The following ERI3 variants were observed in gnomAD, a reference collection of about 807,000 sequenced individuals.
The protein encoded by ERI3 is ERI1 exoribonuclease family member 3, also known as ERI1 exoribonuclease 3.
ERI3 carries 18 observed loss-of-function variants against 44.4 expected under a neutral mutation model. The observed-to-expected ratio is 0.41, with a 90% CI of 0.28 to 0.60. The LOEUF (loss-of-function observed/expected upper bound fraction) is 0.60, where lower values mean the gene tolerates loss of function less well. ERI3 is among the 20% of genes least tolerant of loss of function. The probability of loss-of-function intolerance (pLI) is 0.36; values close to 1 mark genes in which losing one functional copy is unlikely to be tolerated. For synonymous variants in ERI3, 183 were observed against 164.8 expected (o/e 1.11, Z -0.84); for missense variants, 294 against 435.5 (o/e 0.68, Z 2.89).
chr1:44,282,691 G>A (rs908384253), intron 7 of ERI3, among the ~76,000 whole-genome samples: 11 of 152,180 alleles, frequency 7.2e-5, no homozygotes, highest in African/African-American at 2.4e-4. Flanking sequence ...GGGCCTTTAA[G>A]CACATTTGCA....
chr1:44,277,428 AC>A (rs1419832848), intron 7 of ERI3, among the ~76,000 whole-genome samples: 13 of 152,266 alleles, frequency 8.5e-5, no homozygotes, highest in African/African-American at 3.1e-4. Flanking sequence ...TACTTGCCCC[AC>A]CACAGCTCTT....
chr1:44,242,919 C>T (rs1027210870), intron 8 of ERI3, among the ~76,000 whole-genome samples: 25 of 152,208 alleles, frequency 1.6e-4, no homozygotes, highest in Admixed American at 1.2e-3. Context: ...GCCCAGTGAG[C>T]GTGGCGGCAG....
At chr1:44,274,901 A>G (rs1645152308) in intron 7 of ERI3, among the ~76,000 whole-genome samples, 1 of 152,182 alleles carries the variant, frequency 6.6e-6, no homozygotes, top group Non-Finnish European at 1.5e-5. Flanking sequence ...TCCCAAAGAC[A>G]GATGAAGGCC....
intron 7 of ERI3, among the ~76,000 whole-genome samples, chr1:44,281,810 T>A (rs1197475782): frequency 6.6e-6 from 1 of 151,488 alleles, no homozygotes; most frequent in Non-Finnish European, 1.5e-5. Context: ...GACATGCAAT[T>A]TGGAGTATAC....
At chr1:44,342,826 TATATATATATATATATATATATATATA>T (rs1646688709) in intron 2 of ERI3, among the ~76,000 whole-genome samples, 2 of 17,300 alleles carry the variant, frequency 1.2e-4, no homozygotes, top group African/African-American at 2.6e-4. Context: ...TATATATATA[TATATATATATATATATATATATATATA>T]TATATTTTTT....
At chr1:44,354,215 G>A (rs1212429556) in intron 1 of ERI3, 3 of 985,352 alleles carry the variant, frequency 3.0e-6, no homozygotes, top group Admixed American at 6.1e-5. Flanking sequence ...CCTTCCGCTG[G>A]GAGACTGATT....
intron 6 of ERI3, among the ~76,000 whole-genome samples, chr1:44,294,459 C>T (rs926655071): frequency 1.3e-5 from 2 of 152,234 alleles, no homozygotes; most frequent in African/African-American, 4.8e-5. Flanking sequence ...CAAGCACCTC[C>T]CCAGTGCCAC....
At chr1:44,226,778 A>ACACACAC (rs1644050828) in intron 8 of ERI3, among the ~76,000 whole-genome samples, 6 of 143,374 alleles carry the variant, frequency 4.2e-5, no homozygotes, top group East Asian at 2.0e-4. Context: ...AGCATTATTA[A>ACACACAC]ACACACACAC....
intron 2 of ERI3, among the ~76,000 whole-genome samples, chr1:44,344,689 G>C (rs1646749558): frequency 1.3e-5 from 2 of 152,160 alleles, no homozygotes; most frequent in African/African-American, 4.8e-5. Flanking sequence ...ATCTAAATGA[G>C]GGCCAGAACT....
intron 2 of ERI3, 36 bp from the exon 3 acceptor site, chr1:44,339,358 A>C (rs768702731): frequency 2.1e-6 from 3 of 1,423,398 alleles, no homozygotes; most frequent in Admixed American, 2.4e-5. Context: ...AAAAAAAAAA[A>C]GAAAAGAAAG....
At chr1:44,279,261 G>A (rs886162516) in intron 7 of ERI3, among the ~76,000 whole-genome samples, 1 of 151,722 alleles carries the variant, frequency 6.6e-6, no homozygotes, top group African/African-American at 2.4e-5. Flanking sequence ...ACAGGGTCTT[G>A]CACTCCAGGC....
rs145098622 is a variant in ERI3, at chr1:44,347,537, T to C, written c.211+5313A>G. Among the ~76,000 whole-genome samples, 1,398 of 152,324 alleles carry C rather than the reference T, an allele frequency of 9.2e-3. 9 individuals carry two copies. Among genetic ancestry groups the C allele is most frequent in the Non-Finnish European group, 0.015 (996 of 68,018 alleles). ...GCACTTCCATTTTTTGCCAGACAAATTATGACTCCTTCCTTAAAATCCAGC... is the reference window on the plus strand; with the variant it reads ...GCACTTCCATTTTTTGCCAGACAAACTATGACTCCTTCCTTAAAATCCAGC... On this transcript the variant is annotated intron_variant, in intron 2 of 8. Coordinates refer to ENST00000372257, the MANE Select transcript of ERI3 (RefSeq NM_024066.3).
At chr1:44,335,581 G>A (rs1382956727) in intron 3 of ERI3, among the ~76,000 whole-genome samples, 1 of 151,908 alleles carries the variant, frequency 6.6e-6, no homozygotes, top group Non-Finnish European at 1.5e-5. Flanking sequence ...CCAACATGGA[G>A]AAAGCCGACC....
chr1:44,247,210 GAC>G (rs1644572822), intron 8 of ERI3, among the ~76,000 whole-genome samples: 2 of 152,100 alleles, frequency 1.3e-5, no homozygotes, highest in South Asian at 4.2e-4. Context: ...CTCTGAGTCT[GAC>G]ACAGAGACAT....
intron 4 of ERI3, among the ~76,000 whole-genome samples, chr1:44,315,983 CTTT>C (rs5773826): frequency 6.9e-5 from 10 of 145,804 alleles, no homozygotes; most frequent in Non-Finnish European, 7.5e-5. Flanking sequence ...GAGACCCCAT[CTTT>C]TTTTTTTTTT....
At chr1:44,344,852 C>G (rs1646752646) in intron 2 of ERI3, among the ~76,000 whole-genome samples, 1 of 152,198 alleles carries the variant, frequency 6.6e-6, no homozygotes, top group South Asian at 2.1e-4. Context: ...GAATGATTCT[C>G]TCCTCAATAT....
intron 3 of ERI3, among the ~76,000 whole-genome samples, chr1:44,334,394 T>C (rs998054894): frequency 6.6e-6 from 1 of 152,016 alleles, no homozygotes; most frequent in Non-Finnish European, 1.5e-5. Context: ...TCGGTGCACA[T>C]CCACACCAAA....
intron 6 of ERI3, among the ~76,000 whole-genome samples, chr1:44,299,587 G>A (rs1645681664): frequency 2.0e-5 from 3 of 152,210 alleles, no homozygotes; most frequent in African/African-American, 7.2e-5. Context: ...TATTTTCCAG[G>A]AGCACCAGTG....
chr1:44,233,678 C>G (rs529843576), intron 8 of ERI3, among the ~76,000 whole-genome samples: 4 of 152,276 alleles, frequency 2.6e-5, no homozygotes, highest in African/African-American at 9.6e-5. Context: ...CTCCTATTTC[C>G]ACTGATACAG....
Sources: gnomAD v4.1 joint callset for allele counts (sites outside exome capture counted in the v4.1 genomes callset) on GRCh38, gnomAD v4.1.1 for gene constraint, MANE v1.5 for transcripts, NCBI Gene and HGNC (gene_info 2026-07-23, HGNC 2026-07-21) for gene names.